The following TRMO variants were observed in gnomAD, a reference collection of about 807,000 sequenced individuals.
TRMO encodes the protein tRNA (adenine(37)-N6)-methyltransferase.
A neutral mutation model predicts 37.2 loss-of-function variants in TRMO; 30 were observed. The ratio of observed to expected loss-of-function variants is 0.81; its 90% CI spans 0.60 to 1.09. TRMO has a LOEUF of 1.09. Among genes scored for constraint, TRMO ranks in the 50% least tolerant of loss-of-function variants. The pLI is 0.00. For synonymous variants in TRMO, 239 were observed against 199.4 expected (o/e 1.20, Z -1.67); for missense variants, 552 against 549.5 (o/e 1.00, Z -0.05).
At chr9:97,901,837 T>C (rs956047629), downstream of TRMO, among the ~76,000 whole-genome samples, 181 of 152,022 alleles carry the variant, frequency 1.2e-3, 2 homozygotes, top group Non-Finnish European at 2.2e-4. Flanking sequence ...TGTTTCAAAT[T>C]TGTGCTTCTA....
rs764943636 is a variant in TRMO, at chr9:97,904,896, C to T, written c.1163G>A (p.Arg388His). The part of the protein sequence containing the change: ...VLSADPRSVY[R>H]RKLCQDRLFY... The stretch of plus-strand genomic sequence containing the variant: ...AAGGCGGTCCTGGCAAAGCTTCCGG[C>T]GGTACACAGACCGAGGATCCGCTGA... The change falls in exon 5 of 5, where the codon CGC becomes CAC. Residue 388 changes from arginine to histidine, a missense_variant. Transcript: ENST00000375119. The T allele has an allele frequency of 1.4e-5, 23 of 1,614,034 alleles. No homozygotes were observed. Among genetic ancestry groups the T allele is most frequent in the East Asian group, 1.3e-4 (6 of 44,908 alleles).
chr9:97,921,709 C>T (rs1019944275), intron 1 of TRMO, among the ~76,000 whole-genome samples: 5 of 152,142 alleles, frequency 3.3e-5, no homozygotes, highest in Non-Finnish European at 7.4e-5. Flanking sequence ...CAGGCATGAG[C>T]CGCTGCGCCC....
chr9:97,913,273 G>T, intron 3 of TRMO, 128 bp downstream of exon 3: 1 of 1,002,920 alleles, frequency 1.0e-6, no homozygotes, highest in Non-Finnish European at 1.5e-6. Context: ...TTTCTTCAAT[G>T]TCTGGTGGTT....
At chr9:97,915,089 T>C (rs1231925436) in intron 2 of TRMO, among the ~76,000 whole-genome samples, 2 of 152,230 alleles carry the variant, frequency 1.3e-5, no homozygotes, top group Non-Finnish European at 2.9e-5. Context: ...TTTCAGAATA[T>C]ACACTTAATT....
intron 2 of TRMO, among the ~76,000 whole-genome samples, chr9:97,915,239 T>C (rs565148767): frequency 1.3e-5 from 2 of 152,256 alleles, no homozygotes; most frequent in Admixed American, 1.3e-4. Context: ...ACTTAAAGTA[T>C]CCAGATTTCT....
rs1432827715 is a variant in TRMO, at chr9:97,910,310, C to A, written c.716G>T (p.Arg239Ile). 2 of 1,614,236 alleles carry A rather than the reference C, an allele frequency of 1.2e-6. No homozygotes were observed. Among genetic ancestry groups the A allele is most frequent in the Admixed American group, 3.3e-5 (2 of 60,028 alleles). The change falls in exon 4 of 5, where the codon AGA (arginine) becomes ATA (isoleucine). Residue 239 changes from arginine to isoleucine, a missense_variant. Physicochemically the swap from Arg to Ile is moderately conservative, Grantham distance 97 (BLOSUM62 -3). Transcript: ENST00000375119. ...ENYLTHSDTA[R>I]IQQAFPMHRE... is the part of the protein sequence containing the mutation. ...GTGCATAGGAAATGCTTGCTGAATT[C>A]TGGCTGTGTCACTGTGTGTCAGGTA...
intron 1 of TRMO, among the ~76,000 whole-genome samples, chr9:97,918,859 A>C (rs1007198644): frequency 3.3e-5 from 5 of 152,170 alleles, no homozygotes; most frequent in African/African-American, 1.2e-4. Flanking sequence ...CTCTGAGATA[A>C]ACAGAAGCCT....
At chr9:97,912,841 C>A (rs932027412) in intron 3 of TRMO, 2 of 982,920 alleles carry the variant, frequency 2.0e-6, no homozygotes, top group African/African-American at 3.3e-5. Flanking sequence ...TATACGAACA[C>A]ACAGTTAAAA....
chr9:97,919,835 A>G (rs1826543136), intron 1 of TRMO, among the ~76,000 whole-genome samples: 1 of 152,242 alleles, frequency 6.6e-6, no homozygotes, highest in African/African-American at 2.4e-5. Context: ...TAAGAACATA[A>G]GCAAGACAAC....
In TRMO at chr9:97,916,169, A is replaced by G; in HGVS notation, c.246T>C (p.His82=). The change falls in exon 2 of 5, where the codon CAT becomes CAC. Residue 82 remains histidine, a synonymous_variant. Coordinates refer to ENST00000375119, the MANE Select transcript of TRMO (RefSeq NM_016481.5). ...HSLMGLEQFS[H]VWILFVFHKN... ...CTAACTATAAAGCAACTTACCAAAC[A>G]TGAGAAAACTGTTCTAGGCCCATCA... 2 of 1,583,982 alleles carry G rather than the reference A, an allele frequency of 1.3e-6. No homozygotes were observed. The highest frequency in any genetic ancestry group is 4.6e-5 in the East Asian group (2 of 43,708).
chr9:97,900,758 T>C (rs925732362), downstream of TRMO: 4 of 978,948 alleles, frequency 4.1e-6, no homozygotes, highest in South Asian at 1.9e-4. Context: ...TTATTGAGTC[T>C]TCTCTTGCTT....
Position 97,910,120 on chromosome 9 carries a change from C to T in TRMO, c.906G>A (p.Arg302=), listed in dbSNP as rs768073644. ...VEGAAVLQGS[R]AETQPMAPHC... The stretch of plus-strand genomic sequence containing the variant: ...GAGGGGCCATGGGCTGTGTCTCTGC[C>T]CTGCTTCCTTGCAAGACTGCTGCTC... Residue 302 remains arginine (R), a synonymous_variant, in exon 4 of 5, where the codon AGG becomes AGA. Coordinates refer to ENST00000375119, the MANE Select transcript of TRMO (RefSeq NM_016481.5). 62 of 1,614,176 alleles carry T rather than the reference C, an allele frequency of 3.8e-5. 2 individuals carry two copies. The Middle Eastern group carries it at 5.1e-3, about 133-fold the overall frequency.
Position 97,916,338 on chromosome 9 carries a change from C to A in TRMO, c.77G>T (p.Gly26Val). 6.3e-7 allele frequency: 1 copy of A among 1,594,454 alleles called. No individual in the cohort carries two copies. The highest frequency in any genetic ancestry group is 8.5e-7 in the Non-Finnish European group (1 of 1,172,512). The change falls in exon 2 of 5, where the codon GGG becomes GTG. Residue 26 changes from glycine to valine, a missense_variant and splice_region_variant. Gly to Val is a moderately radical substitution (Grantham distance 109). Transcript: ENST00000375119. ...CGCVKPALET[G>V]NLLTEPVGYL... ...GCCGACTGGCTCAGTTAAAAGATTC[C>A]CTACAGGAGAAAATTAGGTAAAAAG...
intron 4 of TRMO, among the ~76,000 whole-genome samples, chr9:97,908,218 C>T (rs1443553071): frequency 6.6e-6 from 1 of 152,124 alleles, no homozygotes; most frequent in Non-Finnish European, 1.5e-5. Flanking sequence ...CGAGACCATC[C>T]TGCCTAACAC....
At chr9:97,907,197 C>T (rs1392762049) in intron 4 of TRMO, among the ~76,000 whole-genome samples, 1 of 152,212 alleles carries the variant, frequency 6.6e-6, no homozygotes, top group Non-Finnish European at 1.5e-5. Flanking sequence ...GCAGGGGGTG[C>T]CCTGCATACG....
downstream of TRMO, among the ~76,000 whole-genome samples, chr9:97,901,620 T>TA (rs1831171188): frequency 6.6e-6 from 1 of 152,140 alleles, no homozygotes; most frequent in Non-Finnish European, 1.5e-5. Context: ...GGACATAAAA[T>TA]CAATGACAGT....
chr9:97,919,852 T>G (rs1564114386), intron 1 of TRMO, among the ~76,000 whole-genome samples: 2 of 152,208 alleles, frequency 1.3e-5, no homozygotes, highest in Non-Finnish European at 2.9e-5. Context: ...CAACACTGGA[T>G]TAGCAATGAA....
chr9:97,908,544 T>C (rs1197360937), intron 4 of TRMO, among the ~76,000 whole-genome samples: 2 of 152,078 alleles, frequency 1.3e-5, no homozygotes, highest in Non-Finnish European at 1.5e-5. Flanking sequence ...AGCCATGTTC[T>C]TGCCACTGCA....
chr9:97,910,837 C>G (rs755588295), intron 3 of TRMO: 1 of 609,096 alleles, frequency 1.6e-6, no homozygotes, highest in Non-Finnish European at 2.9e-6. Flanking sequence ...CTCAAAAGCA[C>G]ACCTTTTACA....
Sources: gnomAD v4.1 joint callset for allele counts (sites outside exome capture counted in the v4.1 genomes callset) on GRCh38, gnomAD v4.1.1 for gene constraint, MANE v1.5 for transcripts, NCBI Gene and HGNC (gene_info 2026-07-23, HGNC 2026-07-21) for gene names.